OTUD7A: variants seen among roughly 807,000 people sequenced by gnomAD.
The protein encoded by OTUD7A is OTU deubiquitinase 7A, also known as OTU domain-containing protein 7A.
In OTUD7A, 12 loss-of-function variants were observed where a neutral mutation model predicts 65.7. The observed-to-expected ratio is 0.18, with a 90% CI of 0.12 to 0.30. The LOEUF is 0.30. Among genes scored for constraint, OTUD7A ranks in the 10% least tolerant of loss-of-function variants. The probability of loss-of-function intolerance (pLI) is 1.00; values close to 1 mark genes in which losing one functional copy is unlikely to be tolerated. For missense variants in OTUD7A, 1,148 were observed against 1,304.8 expected (o/e 0.88, Z 1.85); for synonymous variants, 641 against 586.3 (o/e 1.09, Z -1.35).
At chr15:31,733,485 G>A (rs1400456637) in intron 1 of OTUD7A, among the ~76,000 whole-genome samples, 2 of 152,072 alleles carry the variant, frequency 1.3e-5, no homozygotes, top group African/African-American at 4.8e-5. Flanking sequence ...AATTCCTATT[G>A]GTCCTTCAGA....
chr15:31,530,528 A>G (rs963126373), intron 6 of OTUD7A, among the ~76,000 whole-genome samples, 179 bp downstream of exon 6: 2 of 152,226 alleles, frequency 1.3e-5, no homozygotes, highest in Non-Finnish European at 1.5e-5. Flanking sequence ...AGCAAGTGCT[A>G]CTTGACAAGA....
At chr15:31,657,247 A>T (rs6493847) in intron 1 of OTUD7A, among the ~76,000 whole-genome samples, 170 bp from the exon 2 acceptor site, 92,282 of 151,882 alleles carry the variant, frequency 0.61, 29,760 homozygotes, top group East Asian at 0.92. Flanking sequence ...CTGACCAGCA[A>T]CTCCCATGCC....
intron 3 of OTUD7A, among the ~76,000 whole-genome samples, chr15:31,584,415 A>T (rs767478641): frequency 6.6e-6 from 1 of 152,164 alleles, no homozygotes; most frequent in Non-Finnish European, 1.5e-5. Flanking sequence ...CTTGAAATCC[A>T]ACATCAACAT....
chr15:31,618,148 T>G (rs990987439), intron 3 of OTUD7A, among the ~76,000 whole-genome samples: 3 of 152,356 alleles, frequency 2.0e-5, no homozygotes, highest in Admixed American at 2.0e-4. Flanking sequence ...ATGGTGTATA[T>G]GTGCCACATT....
At chr15:31,721,267 G>C (rs1453792600) in intron 1 of OTUD7A, among the ~76,000 whole-genome samples, 1 of 152,224 alleles carries the variant, frequency 6.6e-6, no homozygotes, top group East Asian at 1.9e-4. Context: ...TGTTGCTTTT[G>C]AGGTCAGCAG....
rs1281791672 is a variant in OTUD7A at position 31,800,531 on chromosome 15, A to AT, written c.-100+69975_-100+69976insA. Among the ~76,000 whole-genome samples, 37 of 152,240 alleles carry AT rather than the reference A, an allele frequency of 2.4e-4. 1 individual carries two copies. The highest frequency in any genetic ancestry group is 3.4e-3 in the Middle Eastern group (1 of 294). On this transcript the variant is annotated intron_variant, in intron 1 of 12. Transcript: ENST00000307050. Reference sequence around the variant, plus strand: ...TCAGGATGCAGCCAGGAGGGACAGGAGAGCCAACCTACCCAATGGCCTCTG... The same window carrying AT: ...TCAGGATGCAGCCAGGAGGGACAGGATGAGCCAACCTACCCAATGGCCTCTG...
intron 3 of OTUD7A, among the ~76,000 whole-genome samples, chr15:31,587,446 GC>G (rs1889578367): frequency 6.6e-6 from 1 of 151,914 alleles, no homozygotes; most frequent in Non-Finnish European, 1.5e-5. Context: ...GACCAGCCTG[GC>G]CAAGATGGTG....
chr15:31,537,155 ATTTAT>A (rs915510762), intron 5 of OTUD7A, among the ~76,000 whole-genome samples: 4 of 152,194 alleles, frequency 2.6e-5, no homozygotes, highest in Non-Finnish European at 4.4e-5. Context: ...TCAGGAGTAT[ATTTAT>A]TTTAGAGTCA....
At chr15:31,509,828 G>A (rs1036638775) in intron 8 of OTUD7A, among the ~76,000 whole-genome samples, 1 of 150,800 alleles carries the variant, frequency 6.6e-6, no homozygotes, top group Non-Finnish European at 1.5e-5. Context: ...ATGTTTTAAC[G>A]TTCTGCCTTT....
chr15:31,675,428 T>A (rs531937471), intron 1 of OTUD7A, among the ~76,000 whole-genome samples: 2 of 152,214 alleles, frequency 1.3e-5, no homozygotes, highest in South Asian at 4.1e-4. Flanking sequence ...CAATACACTA[T>A]CTTAACAAAT....
In OTUD7A at chr15:31,476,320, A is replaced by G. The variant is rs1374638317; in HGVS notation, c.*6974T>C. On this transcript the variant is annotated 3_prime_UTR_variant, in exon 13 of 13. Transcript: ENST00000307050. ...GGTGAGTTTCCTAGTTTTGGTCCTAAGTTAGCGGAGACAAGCTGCCCCACT... is the reference window on the plus strand; with the variant it reads ...GGTGAGTTTCCTAGTTTTGGTCCTAGGTTAGCGGAGACAAGCTGCCCCACT... 2 of 152,314 alleles carry G rather than the reference A, an allele frequency of 1.3e-5. No individual in the cohort carries two copies. The highest frequency in any genetic ancestry group is 4.8e-5 in the African/African-American group (2 of 41,434). The allele number at this position is 152,314 out of a possible 1,614,324, so 9.4% of individuals were successfully genotyped here. A position where few individuals can be genotyped will look rare whatever the true frequency, so the allele number is the denominator to read the frequency against.
chr15:31,761,036 G>C (rs1053586457), intron 1 of OTUD7A, among the ~76,000 whole-genome samples: 2 of 152,042 alleles, frequency 1.3e-5, no homozygotes, highest in Admixed American at 6.6e-5. Context: ...AGACAAGATT[G>C]ATCATGAGCC....
At chr15:31,525,706 C>A (rs8033280) in intron 8 of OTUD7A, among the ~76,000 whole-genome samples, 2 of 152,190 alleles carry the variant, frequency 1.3e-5, no homozygotes, top group African/African-American at 4.8e-5. Context: ...GAATAAGCCG[C>A]GGCCAAGGCT....
chr15:31,801,194 G>A (rs1012221255), intron 1 of OTUD7A, among the ~76,000 whole-genome samples: 16 of 152,232 alleles, frequency 1.1e-4, no homozygotes, highest in Non-Finnish European at 1.5e-4. Flanking sequence ...CAGGCAGGAT[G>A]GTGTGTGCCA....
chr15:31,860,641 A>ATATG, intron 1 of OTUD7A, among the ~76,000 whole-genome samples: 1 of 77,728 alleles, frequency 1.3e-5, no homozygotes, highest in East Asian at 4.5e-4. Context: ...ATATATATAT[A>ATATG]TATGTATGTA....
At chr15:31,663,157 T>C (rs2338893) in intron 1 of OTUD7A, among the ~76,000 whole-genome samples, 28,383 of 151,520 alleles carry the variant, frequency 0.19, 3,298 homozygotes, top group Middle Eastern at 0.36. Flanking sequence ...TGAGATGTTA[T>C]GGGCATCTTT....
chr15:31,778,742 A>T (rs200542371), intron 1 of OTUD7A, among the ~76,000 whole-genome samples: 137 of 150,460 alleles, frequency 9.1e-4, no homozygotes, highest in East Asian at 7.2e-3. Context: ...TCTCTCTCTC[A>T]CACACACACA....
Position 31,751,836 on chromosome 15 carries a change from T to C in OTUD7A, c.-99-94759A>G, listed in dbSNP as rs559163514. Among the ~76,000 whole-genome samples the C allele has an allele frequency of 3.9e-5, 6 of 152,220 alleles. No individual in the cohort carries two copies. The South Asian group carries it at 1.2e-3, about 32-fold the overall frequency. ...AAAACCAAATATTGTATGTGAGAGC[T>C]AAATATTGGGTATGCACAGACATAA... On this transcript the variant is annotated intron_variant, in intron 1 of 12. Coordinates refer to ENST00000307050, the MANE Select transcript of OTUD7A (RefSeq NM_001382637.1).
intron 1 of OTUD7A, among the ~76,000 whole-genome samples, chr15:31,819,374 T>C (rs535983812): frequency 7.4e-4 from 113 of 152,338 alleles, no homozygotes; most frequent in African/African-American, 2.6e-3. Context: ...AAAGTAAGCA[T>C]GCTTTCTGCA....
Sources: gnomAD v4.1 joint callset for allele counts (sites outside exome capture counted in the v4.1 genomes callset) on GRCh38, gnomAD v4.1.1 for gene constraint, MANE v1.5 for transcripts, NCBI Gene and HGNC (gene_info 2026-07-23, HGNC 2026-07-21) for gene names.